Variants in CEP68 observed in about 807,000 individuals in gnomAD.
CEP68 encodes centrosomal protein 68, also known as centrosomal protein of 68 kDa.
Under a neutral mutation model 55.3 loss-of-function variants are expected in CEP68, and 26 were observed. The observed-to-expected ratio is 0.47, with a 90% CI of 0.34 to 0.65. CEP68 has a LOEUF of 0.65. CEP68 is among the 30% of genes least tolerant of loss of function. The pLI, the probability that CEP68 is intolerant of heterozygous loss-of-function variation, is 0.01. For missense variants in CEP68, 957 were observed against 946.7 expected (o/e 1.01, Z -0.14); for synonymous variants, 402 against 383.2 (o/e 1.05, Z -0.57).
chr2:65,077,328 A>G (rs778201056), intron 4 of CEP68, among the ~76,000 whole-genome samples: 3 of 152,188 alleles, frequency 2.0e-5, no homozygotes, highest in Non-Finnish European at 4.4e-5. Flanking sequence ...CTAAACAAAC[A>G]TCAAGAACAC....
chr2:65,078,005 C>A, intron 5 of CEP68, 41 bp downstream of exon 5: 1 of 1,504,274 alleles, frequency 6.6e-7, no homozygotes, highest in Non-Finnish European at 9.2e-7. Context: ...GAGCTTAATC[C>A]CTGTCAGCAG....
chr2:65,066,765 TATAC>T lies in CEP68; in HGVS notation c.-46-2632_-46-2629del, dbSNP rs1359838588. Among the ~76,000 whole-genome samples, 249 of 70,846 alleles carry T rather than the reference TATAC, an allele frequency of 3.5e-3. 1 individual carries two copies. Among genetic ancestry groups the T allele is most frequent in the African/African-American group, 0.015 (233 of 15,724 alleles). The allele number at this position is 70,846 out of a possible 152,430, so 46.5% of individuals were successfully genotyped here. A position where few individuals can be genotyped will look rare whatever the true frequency, so the allele number is the denominator to read the frequency against. On this transcript the variant is annotated intron_variant, in intron 1 of 6. Transcript: ENST00000377990. ...AAAAAAATATATATATATATATATA[TATAC>T]ACACACAAAAAAAAATTAGCTGGGC...
Position 65,072,022 on chromosome 2 carries a change from T to C in CEP68, c.926T>C (p.Leu309Pro). The change falls in exon 3 of 7, where the codon CTG becomes CCG. Residue 309 changes from leucine (L) to proline (P), a missense_variant. Coordinates refer to ENST00000377990, the MANE Select transcript of CEP68 (RefSeq NM_015147.3). ...YEDLLDYTYP[L>P]RPGPQLPKHL... is the part of the protein sequence containing the mutation. ...GATCTGCTTGACTATACTTACCCAC[T>C]GAGGCCCGGGCCTCAGCTCCCAAAG... The C allele has an allele frequency of 6.2e-7, 1 of 1,613,426 alleles. No individual in the cohort carries two copies. Among genetic ancestry groups the C allele is most frequent in the African/African-American group, 1.3e-5 (1 of 74,954 alleles).
chr2:65,086,013 A>C lies in CEP68; in HGVS notation c.*2379A>C, dbSNP rs1168714612. ...AAGTGATGATACTCAAAGCTGGATC[A>C]GCAGTTTCAAGATCTGGGTTCTTGG... is the stretch of plus-strand genomic sequence containing the variant. On this transcript the variant is annotated 3_prime_UTR_variant, in exon 7 of 7. Transcript: ENST00000377990. 6.6e-6 allele frequency: 1 copy of C among 152,254 alleles called. No individual in the cohort carries two copies. The highest frequency in any genetic ancestry group is 2.1e-4 in the South Asian group (1 of 4,834). The allele number at this position is 152,254 out of a possible 1,614,324, so 9.4% of individuals were successfully genotyped here.
At chr2:65,071,096 GTGAT>G (rs1676438641) in intron 2 of CEP68, 1 of 276,412 alleles carries the variant, frequency 3.6e-6, no homozygotes, top group East Asian at 8.9e-5. Flanking sequence ...TAGCGACAGA[GTGAT>G]TGAGGGTTTC....
intron 1 of CEP68, among the ~76,000 whole-genome samples, chr2:65,060,505 G>C (rs1675861154): frequency 2.0e-5 from 3 of 152,224 alleles, no homozygotes; most frequent in Non-Finnish European, 2.9e-5. Context: ...CAAGGAGGGA[G>C]GATTGCTTGA....
chr2:65,084,018 G>A lies in CEP68; in HGVS notation c.*384G>A, dbSNP rs562403881. On this transcript the variant is annotated 3_prime_UTR_variant, in exon 7 of 7. Transcript: ENST00000377990. ...AGATTCCGAATACTCAATATTCTCAGGCATGCAAGAGGACCTAAGAGACTG... is the reference window on the plus strand; with the variant it reads ...AGATTCCGAATACTCAATATTCTCAAGCATGCAAGAGGACCTAAGAGACTG... 1.3e-5 allele frequency: 2 copies of A among 152,270 alleles called. No homozygotes were observed. Among genetic ancestry groups the A allele is most frequent in the East Asian group, 3.9e-4 (2 of 5,186 alleles). The allele number at this position is 152,270 out of a possible 1,614,324, so 9.4% of individuals were successfully genotyped here. A position where few individuals can be genotyped will look rare whatever the true frequency, so the allele number is the denominator to read the frequency against.
At position 65,086,480 on chromosome 2, in the gene CEP68, G is replaced by T. The variant is rs978293390; in HGVS notation, c.*2846G>T. The T allele has an allele frequency of 6.6e-6, 1 of 152,142 alleles. No homozygotes were observed. 9.4% of individuals were successfully genotyped at this position (152,142 alleles called of 1,614,324 possible). A position where few individuals can be genotyped will look rare whatever the true frequency, so the allele number is the denominator to read the frequency against. ...CAAATCTTAAGGCATGCTGAAATTT[G>T]TTGTAAATCCCAATCTTTACTGCCA... On this transcript the variant is annotated 3_prime_UTR_variant, in exon 7 of 7. Coordinates refer to ENST00000377990, the MANE Select transcript of CEP68 (RefSeq NM_015147.3).
chr2:65,086,963 T>C lies in CEP68; in HGVS notation c.*3329T>C, dbSNP rs1302499087. 6.6e-6 allele frequency: 1 copy of C among 152,620 alleles called. No homozygotes were observed. Among genetic ancestry groups the C allele is most frequent in the Admixed American group, 6.5e-5 (1 of 15,280 alleles). The allele number at this position is 152,620 out of a possible 1,614,324, so 9.5% of individuals were successfully genotyped here. A position where few individuals can be genotyped will look rare whatever the true frequency, so the allele number is the denominator to read the frequency against. ...ACCACTTATTTTTGTACCATGTATT[T>C]CAATTGCCTGTTTAGTGAAAAATAA... On this transcript the variant is annotated 3_prime_UTR_variant, in exon 7 of 7. Transcript: ENST00000377990.
rs70943622 is a variant in CEP68, at chr2:65,076,992, T to TG, written c.2008-876_2008-875insG. Among the ~76,000 whole-genome samples the TG allele has an allele frequency of 2.1e-4, 24 of 113,654 alleles. 1 individual carries two copies. In the South Asian group the frequency reaches 2.8e-3, roughly 13 times the overall value. 74.6% of individuals were successfully genotyped at this position (113,654 alleles called of 152,430 possible). Reference sequence around the variant, plus strand: ...CTAAGGGTGGTCATGGATTTGACTTTACCTTTTTTTTTTTTTTTTTTTGAG... The same window carrying TG: ...CTAAGGGTGGTCATGGATTTGACTTTGACCTTTTTTTTTTTTTTTTTTTGAG... On this transcript the variant is annotated intron_variant, in intron 4 of 6. Transcript: ENST00000377990.
At position 65,072,833 on chromosome 2, in the gene CEP68, C is replaced by A; in HGVS notation, c.1737C>A (p.Ala579=). The A allele has an allele frequency of 6.2e-7, 1 of 1,614,174 alleles. No individual in the cohort carries two copies. Among genetic ancestry groups the A allele is most frequent in the Non-Finnish European group, 8.5e-7 (1 of 1,180,038 alleles). The change falls in exon 3 of 7, where the codon GCC becomes GCA. Residue 579 remains alanine (A), a synonymous_variant. Coordinates refer to ENST00000377990, the MANE Select transcript of CEP68 (RefSeq NM_015147.3). ...AAGGCAGTCTGGGGAGCAGCCAGGCCCTCGGGGTCTCCTCTGGACTGCTGA... is the reference window on the plus strand; with the variant it reads ...AAGGCAGTCTGGGGAGCAGCCAGGCACTCGGGGTCTCCTCTGGACTGCTGA... ...AGEGSLGSSQ[A]LGVSSGLLKT...
intron 2 of CEP68, 29 bp from the exon 3 acceptor site, chr2:65,071,425 A>T: frequency 6.3e-7 from 1 of 1,579,704 alleles, no homozygotes; most frequent in South Asian, 1.1e-5. Context: ...TTTTTACCCA[A>T]GTGCTTTTTG....
chr2:65,081,587 G>C (rs1348049221), intron 5 of CEP68, among the ~76,000 whole-genome samples: 1 of 152,210 alleles, frequency 6.6e-6, no homozygotes, highest in Non-Finnish European at 1.5e-5. Flanking sequence ...AAAGAAAAAA[G>C]CCTGCTGTGT....
At chr2:65,063,543 C>T (rs376077117) in intron 1 of CEP68, among the ~76,000 whole-genome samples, 2 of 152,154 alleles carry the variant, frequency 1.3e-5, no homozygotes, top group Admixed American at 6.5e-5. Context: ...AGACAACAAG[C>T]GCTATTCACC....
At chr2:65,073,265 T>C (rs1333913785) in intron 3 of CEP68, 1 of 458,968 alleles carries the variant, frequency 2.2e-6, no homozygotes, top group Non-Finnish European at 4.0e-6. Flanking sequence ...TTGCAGAGGC[T>C]GAGCTCTTAG....
intron 1 of CEP68, among the ~76,000 whole-genome samples, chr2:65,057,807 G>A (rs1198750492): frequency 3.3e-5 from 5 of 152,156 alleles, no homozygotes; most frequent in Admixed American, 2.6e-4. Flanking sequence ...GCTCTGCCAT[G>A]TTACTAACTC....
chr2:65,058,849 T>C (rs1675779001), intron 1 of CEP68, among the ~76,000 whole-genome samples: 1 of 152,152 alleles, frequency 6.6e-6, no homozygotes, highest in Admixed American at 6.5e-5. Context: ...TTCCTGATTC[T>C]CTTTCCACAG....
Position 65,071,799 on chromosome 2 carries a change from G to T in CEP68, c.703G>T (p.Glu235Ter). 6.2e-7 allele frequency: 1 copy of T among 1,609,250 alleles called. No homozygotes were observed. The highest frequency in any genetic ancestry group is 8.5e-7 in the Non-Finnish European group (1 of 1,176,834). ...CTCCCTGGAGCCGGTCGTCCCCCAG[G>T]AACCTTCCTCTGTGGTGGGGCTAGG... The part of the protein sequence containing the change: ...SSSLEPVVPQ[E>*]PSSVVGLGPR... Residue 235 changes from glutamate (E) to a stop codon, truncating the protein, a stop_gained, in exon 3 of 7, where the codon GAA becomes TAA. Transcript: ENST00000377990. LOFTEE classifies it high-confidence loss of function.
intron 4 of CEP68, among the ~76,000 whole-genome samples, chr2:65,075,518 G>T (rs567783422): frequency 6.6e-6 from 1 of 152,290 alleles, no homozygotes; most frequent in Admixed American, 6.5e-5. Flanking sequence ...TACTAATGTG[G>T]ATTTTTGTTA....
Sources: allele counts gnomAD v4.1 joint callset (sites outside exome capture counted in the v4.1 genomes callset), GRCh38; gene constraint gnomAD v4.1.1; transcripts MANE v1.5; gene names NCBI Gene and HGNC (gene_info 2026-07-23, HGNC 2026-07-21).